Variants in MTDH observed in about 807,000 individuals in gnomAD.
The protein encoded by MTDH is metadherin, also known as protein LYRIC.
A neutral mutation model predicts 72.7 loss-of-function variants in MTDH; 34 were observed. That is an observed-to-expected ratio of 0.47 (90% CI 0.36 to 0.62). The LOEUF is 0.62. Ranked by LOEUF, MTDH falls within the 20% of genes least tolerant of loss-of-function variation. MTDH has a pLI of 0.00. For missense variants in MTDH, 677 were observed against 699.4 expected (o/e 0.97, Z 0.36); for synonymous variants, 266 against 268.9 (o/e 0.99, Z 0.10).
intron 2 of MTDH, among the ~76,000 whole-genome samples, chr8:97,686,052 G>A (rs1027468889): frequency 1.3e-5 from 2 of 152,056 alleles, no homozygotes; most frequent in Non-Finnish European, 2.9e-5. Flanking sequence ...CAAATCCTAG[G>A]TATTTTCACA....
In MTDH at chr8:97,644,686, G is replaced by C; in HGVS notation, c.180G>C (p.Gly60=). ...WVILVGTGAL[G]LLLLFLLGYG... is the part of the protein sequence containing the mutation. ...TCCTGGTGGGCACTGGCGCGCTCGG[G>C]CTGCTGCTGCTGTTTCTGCTGGGCT... Residue 60 remains glycine (G), a synonymous_variant, in exon 1 of 12, where the codon GGG becomes GGC. Transcript: ENST00000336273. 6.2e-7 allele frequency: 1 copy of C among 1,601,814 alleles called. No individual in the cohort carries two copies. Among genetic ancestry groups the C allele is most frequent in the African/African-American group, 1.4e-5 (1 of 73,026 alleles).
intron 10 of MTDH, among the ~76,000 whole-genome samples, chr8:97,719,706 A>G (rs1815030874): frequency 6.6e-6 from 1 of 152,180 alleles, no homozygotes; most frequent in African/African-American, 2.4e-5. Flanking sequence ...AGTGAAATCA[A>G]GAACCACACT....
rs368315702 is a variant in MTDH at position 97,710,206 on chromosome 8, ACTGT to A, written c.1273-3452_1273-3449del. On this transcript the variant is annotated intron_variant, in intron 8 of 11. Transcript: ENST00000336273. ...TTCCATCTGCTTGTAATTTCTGTAA[ACTGT>A]CTGGTAGTTCGTGAGACCACCAAAA... Among the ~76,000 whole-genome samples, 789 of 152,126 alleles carry A rather than the reference ACTGT, an allele frequency of 5.2e-3. 4 individuals carry two copies. Among genetic ancestry groups the A allele is most frequent in the African/African-American group, 0.018 (747 of 41,506 alleles).
chr8:97,661,007 G>C, intron 1 of MTDH, 65 bp from the exon 2 acceptor site: 1 of 1,291,830 alleles, frequency 7.7e-7, no homozygotes, highest in Non-Finnish European at 1.1e-6. Context: ...GGTTTCCTGC[G>C]TATAAATCTT....
intron 10 of MTDH, among the ~76,000 whole-genome samples, chr8:97,721,349 G>A (rs1262944585): frequency 6.6e-6 from 1 of 152,036 alleles, no homozygotes; most frequent in African/African-American, 2.4e-5. Flanking sequence ...GGACTGAGGT[G>A]GGAGGATCAT....
Position 97,728,645 on chromosome 8 carries a change from G to A in MTDH, c.*3975G>A, listed in dbSNP as rs1277625158. On this transcript the variant is annotated 3_prime_UTR_variant, in exon 12 of 12. Transcript: ENST00000336273. ...AAGATAGAAGTTTGCTTCTCAGCTG[G>A]GCATGGTGGCTCATGCCTGTAATCC... is the stretch of plus-strand genomic sequence containing the variant. 7 of 151,720 alleles carry A rather than the reference G, an allele frequency of 4.6e-5. No individual in the cohort carries two copies. Among genetic ancestry groups the A allele is most frequent in the Admixed American group, 4.0e-4 (6 of 15,140 alleles). The allele number at this position is 151,720 out of a possible 1,614,324, so 9.4% of individuals were successfully genotyped here.
At chr8:97,689,165 C>T in intron 5 of MTDH, 62 bp downstream of exon 5, 2 of 833,834 alleles carry the variant, frequency 2.4e-6, no homozygotes, top group South Asian at 1.9e-5. Context: ...TATATACATA[C>T]CTCTTTCCTC....
chr8:97,693,346 TG>T (rs2131015517), intron 6 of MTDH, among the ~76,000 whole-genome samples: 1 of 152,224 alleles, frequency 6.6e-6, no homozygotes, highest in East Asian at 1.9e-4. Context: ...TTTGCTTGTT[TG>T]TTTGTTTGAG....
chr8:97,667,720 A>G (rs1210758905), intron 2 of MTDH, among the ~76,000 whole-genome samples: 1 of 151,966 alleles, frequency 6.6e-6, no homozygotes, highest in East Asian at 1.9e-4. Context: ...TTGCTGGTGC[A>G]GTAGCTCACA....
At chr8:97,716,757 T>C (rs1473683906) in intron 9 of MTDH, among the ~76,000 whole-genome samples, 1 of 152,182 alleles carries the variant, frequency 6.6e-6, no homozygotes, top group African/African-American at 2.4e-5. Context: ...CAGGCTGGAA[T>C]GCAGTGGCTC....
chr8:97,644,715 G>C lies in MTDH; in HGVS notation c.209G>C (p.Gly70Ala), dbSNP rs756607507. Residue 70 changes from glycine to alanine, a missense_variant, in exon 1 of 12, where the codon GGC (glycine) becomes GCC (alanine). This residue lies in a region of MTDH where 467 missense variants were observed against 469.1 expected (regional missense o/e 1.00). Transcript: ENST00000336273. ...GLLLLFLLGY[G>A]WAAACAGARK... ...CTGCTGCTGTTTCTGCTGGGCTACG[G>C]CTGGGCCGCGGCTTGCGCCGGCGCC... 1.3e-6 allele frequency: 2 copies of C among 1,591,186 alleles called. No homozygotes were observed. The highest frequency in any genetic ancestry group is 4.8e-5 in the East Asian group (2 of 42,038).
chr8:97,707,855 TAAAAAA>T (rs899144574), intron 8 of MTDH, among the ~76,000 whole-genome samples: 20 of 148,496 alleles, frequency 1.3e-4, no homozygotes, highest in African/African-American at 3.7e-4. Context: ...CCCCATCTCT[TAAAAAA>T]GAAAAAAAAA....
chr8:97,707,113 G>T lies in MTDH; in HGVS notation c.1272+363G>T, dbSNP rs1208983625. Among the ~76,000 whole-genome samples the T allele has an allele frequency of 4.6e-5, 7 of 151,424 alleles. 1 individual carries two copies. The highest frequency in any genetic ancestry group is 4.0e-4 in the Admixed American group (6 of 15,180). ...TAGGGTTGGGGTGTTGTATTTTAAT[G>T]ATAGGGAGATTTTGGTATAGGGTCA... On this transcript the variant is annotated intron_variant, in intron 8 of 11. Transcript: ENST00000336273.
At chr8:97,723,705 T>C (rs1243476344) in intron 11 of MTDH, among the ~76,000 whole-genome samples, 1 of 151,518 alleles carries the variant, frequency 6.6e-6, no homozygotes, top group African/African-American at 2.4e-5. Context: ...ATCATGCCAC[T>C]GCACTCCAAC....
At chr8:97,686,258 C>T (rs1040336494) in intron 2 of MTDH, among the ~76,000 whole-genome samples, 11 of 152,082 alleles carry the variant, frequency 7.2e-5, no homozygotes, top group African/African-American at 2.2e-4. Flanking sequence ...GTATTTATGA[C>T]GTAACTTATA....
chr8:97,645,274 A>G (rs937773104), intron 1 of MTDH, among the ~76,000 whole-genome samples: 3 of 152,164 alleles, frequency 2.0e-5, no homozygotes, highest in Non-Finnish European at 4.4e-5. Context: ...AGGAAGTTGT[A>G]TAAAGACTGC....
At chr8:97,681,111 C>T (rs1259154938) in intron 2 of MTDH, among the ~76,000 whole-genome samples, 1 of 151,470 alleles carries the variant, frequency 6.6e-6, no homozygotes, top group East Asian at 1.9e-4. Context: ...TGGAGTGGAA[C>T]GTGAGCTGGG....
intron 2 of MTDH, among the ~76,000 whole-genome samples, chr8:97,681,820 G>A (rs1198007088): frequency 1.3e-5 from 2 of 151,982 alleles, no homozygotes; most frequent in South Asian, 2.1e-4. Context: ...TGTCTCACTT[G>A]CGTGTCATCC....
intron 10 of MTDH, among the ~76,000 whole-genome samples, 192 bp downstream of exon 10, chr8:97,719,381 T>G (rs1815015524): frequency 6.7e-6 from 1 of 150,356 alleles, no homozygotes; most frequent in Non-Finnish European, 1.5e-5. Flanking sequence ...TAACCCCAGC[T>G]ACTTAGGAGG....
Sources: gnomAD v4.1 joint callset for allele counts (sites outside exome capture counted in the v4.1 genomes callset) on GRCh38, gnomAD v4.1.1 for gene constraint, gnomAD v4.1.1 regional missense constraint, MANE v1.5 for transcripts, NCBI Gene and HGNC (gene_info 2026-07-23, HGNC 2026-07-21) for gene names.